Variants in DCBLD2 observed in about 807,000 individuals in gnomAD.
DCBLD2 encodes discoidin, CUB and LCCL domain containing 2, also known as discoidin, CUB and LCCL domain-containing protein 2.
DCBLD2 carries 54 observed loss-of-function variants against 86.8 expected under a neutral mutation model. The ratio of observed to expected loss-of-function variants is 0.62; its 90% confidence interval spans 0.50 to 0.78. The LOEUF is 0.78. DCBLD2 is among the 30% of genes least tolerant of loss of function. The pLI is 0.00. For synonymous variants in DCBLD2, 354 were observed against 341.3 expected (o/e 1.04, Z -0.41); for missense variants, 908 against 954.2 (o/e 0.95, Z 0.64).
intron 2 of DCBLD2, among the ~76,000 whole-genome samples, chr3:98,870,731 G>A (rs1207404041): frequency 2.2e-4 from 23 of 103,434 alleles, no homozygotes; most frequent in East Asian, 2.0e-3. Flanking sequence ...GAAAAGAAAA[G>A]AAAGAAAAAG....
intron 1 of DCBLD2, among the ~76,000 whole-genome samples, chr3:98,892,815 C>G (rs1943685890): frequency 6.6e-6 from 1 of 152,116 alleles, no homozygotes; most frequent in African/African-American, 2.4e-5. Flanking sequence ...ACCTATAAAG[C>G]TGGCTTTTAG....
Position 98,804,157 on chromosome 3 carries a change from C to T in DCBLD2, c.1671-2508G>A, listed in dbSNP as rs532451321. Among the ~76,000 whole-genome samples, 86 of 152,280 alleles carry T rather than the reference C, an allele frequency of 5.6e-4. 1 individual carries two copies. In the South Asian group the frequency reaches 0.015, roughly 27 times the overall value. ...TCCTTGTACCTCTGGTAGAATTCGG[C>T]TATGAATCCGTCTGGTCCTGGACTT... On this transcript the variant is annotated intron_variant, in intron 13 of 15. Transcript: ENST00000326840.
chr3:98,894,375 GA>G (rs1298913297), intron 1 of DCBLD2, among the ~76,000 whole-genome samples: 1 of 152,152 alleles, frequency 6.6e-6, no homozygotes, highest in East Asian at 1.9e-4. Context: ...AAACTAGGGG[GA>G]CTTTTATAAT....
intron 2 of DCBLD2, among the ~76,000 whole-genome samples, chr3:98,858,905 C>G (rs1942987076): frequency 6.6e-6 from 1 of 152,186 alleles, no homozygotes. Context: ...GTGATTTCTG[C>G]ATTTCCAACT....
chr3:98,879,000 G>A (rs1355182860), intron 2 of DCBLD2, among the ~76,000 whole-genome samples: 8 of 152,018 alleles, frequency 5.3e-5, no homozygotes, highest in Admixed American at 4.6e-4. Context: ...CTAGAATTCA[G>A]CGAGCAATTT....
chr3:98,887,190 G>GT lies in DCBLD2; in HGVS notation c.206-5424_206-5423insA, dbSNP rs1943578150. ...TTAAACTTTTCCAGTGAGTTTTCAA[G>GT]GTTTTTTTTGGTGAACTGGTGAGTC... On this transcript the variant is annotated intron_variant, in intron 1 of 15. Coordinates refer to ENST00000326840, the MANE Select transcript of DCBLD2 (RefSeq NM_080927.4). Among the ~76,000 whole-genome samples, 3 of 8,340 alleles carry GT rather than the reference G, an allele frequency of 3.6e-4. No individual in the cohort carries two copies. In the Non-Finnish European group the frequency reaches 9.4e-3, roughly 26 times the overall value. The allele number at this position is 8,340 out of a possible 152,430, so 5.5% of individuals were successfully genotyped here.
At chr3:98,809,331 A>G (rs571509988) in intron 12 of DCBLD2, among the ~76,000 whole-genome samples, 4 of 121,266 alleles carry the variant, frequency 3.3e-5, no homozygotes, top group African/African-American at 1.2e-4. Flanking sequence ...TCTAACCTGC[A>G]CCATCTTCTT....
Position 98,820,109 on chromosome 3 carries a change from TTAGA to T in DCBLD2, c.871+135_871+138del, listed in dbSNP as rs1027602376. ...TCAATTTGCTCTATTCATTATATTATTAGATAACTATCTTACCTCATAGTGTTAT... is the reference window on the plus strand; with the variant it reads ...TCAATTTGCTCTATTCATTATATTATTAACTATCTTACCTCATAGTGTTAT... On this transcript the variant is annotated intron_variant, in intron 7 of 15. Coordinates refer to ENST00000326840, the MANE Select transcript of DCBLD2 (RefSeq NM_080927.4). 6.7e-6 allele frequency: 3 copies of T among 448,140 alleles called. No homozygotes were observed. The Admixed American group carries it at 1.3e-4, about 20-fold the overall frequency. The allele number at this position is 448,140 out of a possible 1,614,324, so 27.8% of individuals were successfully genotyped here. A position where few individuals can be genotyped will look rare whatever the true frequency, so the allele number is the denominator to read the frequency against.
intron 2 of DCBLD2, among the ~76,000 whole-genome samples, chr3:98,870,755 A>AAGAAAG (rs1171135390): frequency 1.9e-4 from 27 of 139,656 alleles, no homozygotes; most frequent in South Asian, 5.0e-4. Context: ...GAAAGAAAGA[A>AAGAAAG]AGAAAGAAAG....
At position 98,797,265 on chromosome 3, in the gene DCBLD2, T is replaced by TGA. The variant is rs1941623886; in HGVS notation, c.*2106_*2107insTC. On this transcript the variant is annotated 3_prime_UTR_variant, in exon 16 of 16. Transcript: ENST00000326840. Reference sequence around the variant, plus strand: ...AAATATGCATCATTTCAGAAAACACTTGCCCCTCTTAAAAAAAAAAAAACC... The same window carrying TGA: ...AAATATGCATCATTTCAGAAAACACTGATGCCCCTCTTAAAAAAAAAAAAACC... 1.3e-5 allele frequency: 2 copies of TGA among 148,882 alleles called. No homozygotes were observed. The highest frequency in any genetic ancestry group is 3.0e-5 in the Non-Finnish European group (2 of 67,172). 9.2% of individuals were successfully genotyped at this position (148,882 alleles called of 1,614,324 possible). A position where few individuals can be genotyped will look rare whatever the true frequency, so the allele number is the denominator to read the frequency against.
At chr3:98,900,957 A>G (rs753989295) in intron 1 of DCBLD2, 165 bp downstream of exon 1, 2 of 1,250,840 alleles carry the variant, frequency 1.6e-6, no homozygotes, top group Non-Finnish European at 2.2e-6. Context: ...ACAGACGGGC[A>G]AGACCTTGCC....
At chr3:98,814,908 CAAAT>C (rs1048597329) in intron 9 of DCBLD2, 1 of 152,206 alleles carries the variant, frequency 6.6e-6, no homozygotes, top group Non-Finnish European at 1.5e-5. Flanking sequence ...AGAAGGGAAA[CAAAT>C]AAGGTGAACC....
At chr3:98,848,590 G>C (rs1320302521) in intron 3 of DCBLD2, among the ~76,000 whole-genome samples, 4 of 152,190 alleles carry the variant, frequency 2.6e-5, no homozygotes, top group Admixed American at 6.6e-5. Flanking sequence ...CCCACAAACA[G>C]TGTATACGGT....
At position 98,879,352 on chromosome 3, in the gene DCBLD2, T is replaced by C. The variant is rs997106689; in HGVS notation, c.433+2188A>G. Among the ~76,000 whole-genome samples the C allele has an allele frequency of 3.3e-5, 5 of 152,168 alleles. No homozygotes were observed. In the East Asian group the frequency reaches 9.6e-4, roughly 29 times the overall value. ...CATCTAAAACAGTCATTCTTTACCATCACTGAATGCCCAATGCTTCAAATT... is the reference window on the plus strand; with the variant it reads ...CATCTAAAACAGTCATTCTTTACCACCACTGAATGCCCAATGCTTCAAATT... On this transcript the variant is annotated intron_variant, in intron 2 of 15. Coordinates refer to ENST00000326840, the MANE Select transcript of DCBLD2 (RefSeq NM_080927.4).
chr3:98,870,737 A>AAGAAAG (rs60463776), intron 2 of DCBLD2, among the ~76,000 whole-genome samples: 2 of 69,796 alleles, frequency 2.9e-5, no homozygotes, highest in African/African-American at 1.1e-4. Context: ...AAAAGAAAGA[A>AAGAAAG]AAAGAAAGAA....
chr3:98,897,557 T>C (rs967227015), intron 1 of DCBLD2, among the ~76,000 whole-genome samples: 3 of 152,136 alleles, frequency 2.0e-5, no homozygotes, highest in Non-Finnish European at 4.4e-5. Flanking sequence ...AACTCACAAA[T>C]ATTGTTCAAA....
At chr3:98,899,418 AT>A (rs1328945057) in intron 1 of DCBLD2, among the ~76,000 whole-genome samples, 1 of 151,860 alleles carries the variant, frequency 6.6e-6, no homozygotes, top group Non-Finnish European at 1.5e-5. Flanking sequence ...TGCCCGGCTA[AT>A]TTTTTGTATT....
chr3:98,823,431 G>C (rs1386823981), intron 4 of DCBLD2, among the ~76,000 whole-genome samples: 1 of 152,118 alleles, frequency 6.6e-6, no homozygotes, highest in Non-Finnish European at 1.5e-5. Flanking sequence ...TGTATTAAAA[G>C]AGGTGCATTC....
chr3:98,851,870 C>A (rs1942843479), intron 2 of DCBLD2, among the ~76,000 whole-genome samples: 1 of 152,266 alleles, frequency 6.6e-6, no homozygotes, highest in African/African-American at 2.4e-5. Flanking sequence ...GGAAAACTGG[C>A]CAGCTAGCCA....
Sources: gnomAD v4.1 joint callset for allele counts (sites outside exome capture counted in the v4.1 genomes callset) on GRCh38, gnomAD v4.1.1 for gene constraint, MANE v1.5 for transcripts, NCBI Gene and HGNC (gene_info 2026-07-23, HGNC 2026-07-21) for gene names.